Variants in CADPS2 observed in about 807,000 individuals in gnomAD.
CADPS2 encodes calcium-dependent secretion activator 2.
CADPS2 carries 93 observed loss-of-function variants against 172.5 expected under a neutral mutation model. The ratio of observed to expected loss-of-function variants is 0.54; its 90% CI spans 0.46 to 0.64. CADPS2 has a LOEUF of 0.64. CADPS2 is among the 30% of genes least tolerant of loss of function. The pLI is 0.00. For missense variants in CADPS2, 1,420 were observed against 1,565.9 expected (o/e 0.91, Z 1.57); for synonymous variants, 546 against 555.2 (o/e 0.98, Z 0.23).
chr7:122,495,340 C>G (rs554066058), intron 9 of CADPS2, among the ~76,000 whole-genome samples: 1 of 152,258 alleles, frequency 6.6e-6, no homozygotes, highest in African/African-American at 2.4e-5. Flanking sequence ...GATGACTTTT[C>G]TGTTTATTAT....
intron 6 of CADPS2, among the ~76,000 whole-genome samples, chr7:122,584,610 C>A (rs985279800): frequency 6.6e-6 from 1 of 151,800 alleles, no homozygotes; most frequent in Non-Finnish European, 1.5e-5. Flanking sequence ...TCTATTTTAA[C>A]CCTGCTGTTT....
In CADPS2 at chr7:122,565,199, G is replaced by A. The variant is rs569703130; in HGVS notation, c.1336-10510C>T. On this transcript the variant is annotated intron_variant, in intron 7 of 29. Transcript: ENST00000449022. The stretch of plus-strand genomic sequence containing the variant: ...GCTATGCAGTATAACCATGTAACAC[G>A]ACTGCACTTATACCCCCTGAATTTA... 8.2e-4 allele frequency among the ~76,000 whole-genome samples: 124 copies of A among 150,976 alleles called. 1 individual carries two copies. The highest frequency in any genetic ancestry group is 1.2e-3 in the East Asian group (6 of 5,094).
intron 17 of CADPS2, among the ~76,000 whole-genome samples, chr7:122,425,615 TG>T (rs927992645): frequency 4.0e-5 from 6 of 151,576 alleles, no homozygotes; most frequent in African/African-American, 1.5e-4. Flanking sequence ...CAAAAAAGAC[TG>T]TTCTTTAGCC....
chr7:122,570,225 G>T (rs1479625883), intron 7 of CADPS2, among the ~76,000 whole-genome samples: 13 of 151,982 alleles, frequency 8.6e-5, no homozygotes, highest in South Asian at 2.1e-4. Flanking sequence ...GGGCAAAGGA[G>T]ATGAACAGAC....
intron 2 of CADPS2, among the ~76,000 whole-genome samples, chr7:122,689,858 C>T (rs970337935): frequency 4.6e-5 from 7 of 152,182 alleles, no homozygotes; most frequent in East Asian, 1.9e-4. Context: ...GGGGGCACCA[C>T]GTGTTCTCCC....
intron 25 of CADPS2, among the ~76,000 whole-genome samples, chr7:122,377,293 TA>T (rs2042470836): frequency 6.6e-6 from 1 of 152,156 alleles, no homozygotes; most frequent in African/African-American, 2.4e-5. Flanking sequence ...ACACTATTTT[TA>T]AAATTAACCT....
At chr7:122,339,703 G>A (rs1180378721) in intron 28 of CADPS2, among the ~76,000 whole-genome samples, 2 of 152,096 alleles carry the variant, frequency 1.3e-5, no homozygotes, top group Admixed American at 6.6e-5. Flanking sequence ...TCTGGCCAAC[G>A]TGGGGAAACC....
intron 2 of CADPS2, among the ~76,000 whole-genome samples, chr7:122,678,990 A>G (rs1342322449): frequency 1.3e-5 from 2 of 152,062 alleles, no homozygotes; most frequent in East Asian, 3.9e-4. Context: ...TTGAGGATGT[A>G]TGTTGCCCAG....
intron 17 of CADPS2, among the ~76,000 whole-genome samples, chr7:122,428,893 G>A (rs576133048): frequency 3.3e-5 from 5 of 152,198 alleles, no homozygotes; most frequent in African/African-American, 1.2e-4. Context: ...TGCATCCAGG[G>A]CCTCTCTCCT....
intron 8 of CADPS2, 53 bp from the exon 9 acceptor site, chr7:122,513,368 TC>T (rs765275987): frequency 7.5e-7 from 1 of 1,332,002 alleles, no homozygotes; most frequent in Non-Finnish European, 1.0e-6. Flanking sequence ...ATGTTGTGCT[TC>T]CATGTAATCA....
intron 2 of CADPS2, among the ~76,000 whole-genome samples, chr7:122,679,813 T>C (rs1247535791): frequency 6.6e-6 from 1 of 152,208 alleles, no homozygotes; most frequent in Non-Finnish European, 1.5e-5. Flanking sequence ...TATCGGGGGC[T>C]GAATTTCCCC....
At chr7:122,637,171 CTTTTTTTTT>C (rs71161313) in intron 3 of CADPS2, among the ~76,000 whole-genome samples, 81 of 53,858 alleles carry the variant, frequency 1.5e-3, no homozygotes, top group African/African-American at 5.1e-3. Flanking sequence ...TGAAATTTTG[CTTTTTTTTT>C]TTTTTTTTTT....
intron 2 of CADPS2, among the ~76,000 whole-genome samples, chr7:122,711,855 G>T (rs1213737016): frequency 6.6e-6 from 1 of 151,610 alleles, no homozygotes; most frequent in African/African-American, 2.4e-5. Flanking sequence ...GTTTCACCAT[G>T]TTGGTCAGGC....
chr7:122,651,187 T>A (rs573852261), intron 3 of CADPS2, among the ~76,000 whole-genome samples: 1 of 152,008 alleles, frequency 6.6e-6, no homozygotes, highest in South Asian at 2.1e-4. Context: ...TAGAATGTGC[T>A]ATTATTTCTG....
intron 1 of CADPS2, among the ~76,000 whole-genome samples, chr7:122,737,617 T>C (rs896388734): frequency 4.5e-4 from 69 of 152,176 alleles, no homozygotes; most frequent in African/African-American, 1.6e-3. Flanking sequence ...AATCCTGATA[T>C]GGAAGTGGAA....
intron 29 of CADPS2, among the ~76,000 whole-genome samples, chr7:122,321,473 T>C (rs1243527701): frequency 6.6e-6 from 1 of 151,548 alleles, no homozygotes; most frequent in Admixed American, 6.6e-5. Flanking sequence ...TGGCCATGTT[T>C]ACTTTTTTCT....
intron 2 of CADPS2, among the ~76,000 whole-genome samples, chr7:122,731,511 T>C (rs1318756462): frequency 6.6e-6 from 1 of 151,686 alleles, no homozygotes; most frequent in African/African-American, 2.4e-5. Context: ...AATCAACCTA[T>C]GTTTACCTAA....
At chr7:122,878,900 T>C (rs1266405848) in intron 1 of CADPS2, among the ~76,000 whole-genome samples, 1 of 152,030 alleles carries the variant, frequency 6.6e-6, no homozygotes, top group Admixed American at 6.6e-5. Flanking sequence ...AATAATTAAA[T>C]TGGGCCATAA....
intron 1 of CADPS2, among the ~76,000 whole-genome samples, chr7:122,817,301 A>T (rs1341343150): frequency 6.6e-6 from 1 of 152,156 alleles, no homozygotes; most frequent in Non-Finnish European, 1.5e-5. Context: ...CAGCCCAAGG[A>T]ACATCTCACC....
Sources: allele counts gnomAD v4.1 joint callset (sites outside exome capture counted in the v4.1 genomes callset), GRCh38; gene constraint gnomAD v4.1.1; transcripts MANE v1.5; gene names NCBI Gene and HGNC (gene_info 2026-07-23, HGNC 2026-07-21).